RBPMS: variants seen among roughly 807,000 people sequenced by gnomAD.
The protein encoded by RBPMS is RNA binding protein, mRNA processing factor.
Under a neutral mutation model 26.8 loss-of-function variants are expected in RBPMS, and 7 were observed. That is an observed-to-expected ratio of 0.26 (90% confidence interval 0.15 to 0.49). The LOEUF (loss-of-function observed/expected upper bound fraction) is 0.49, where lower values mean the gene tolerates loss of function less well. RBPMS is among the 20% of genes least tolerant of loss of function. The pLI is 0.98. For synonymous variants in RBPMS, 96 were observed against 93.3 expected, an observed-to-expected ratio of 1.03 and a Z score of -0.17; for missense variants, 186 against 250.0, an observed-to-expected ratio of 0.74 and a Z score of 1.73.
intron 6 of RBPMS, chr8:30,553,597 G>A (rs1826578100): frequency 6.6e-6 from 1 of 152,188 alleles, no homozygotes; most frequent in African/African-American, 2.4e-5. Flanking sequence ...CTGTGTGAGT[G>A]GTTCCCTGCA....
chr8:30,555,945 C>T lies in RBPMS; in HGVS notation c.529-2942C>T, dbSNP rs950378898. The T allele has an allele frequency of 8.1e-6, 8 of 985,336 alleles. No homozygotes were observed. In the Admixed American group the frequency reaches 4.9e-4, roughly 61 times the overall value. 61.0% of individuals were successfully genotyped at this position (985,336 alleles called of 1,614,324 possible). ...CCGGCTGCCCGAACTCTGCTGTGCA[C>T]CATGAGCCCTGCCGCTCTGCCGGCT... On this transcript the variant is annotated intron_variant, in intron 6 of 8. Transcript: ENST00000397323.
chr8:30,570,284 C>A (rs1828183462), intron 8 of RBPMS, among the ~76,000 whole-genome samples: 1 of 152,204 alleles, frequency 6.6e-6, no homozygotes, highest in Admixed American at 6.5e-5. Context: ...GTATGCTGAG[C>A]TGATTGATTG....
chr8:30,564,068 A>G (rs1243686719), intron 7 of RBPMS: 1 of 152,158 alleles, frequency 6.6e-6, no homozygotes, highest in African/African-American at 2.4e-5. Flanking sequence ...AATAAATAAT[A>G]AGGCCAGGTA....
At position 30,470,279 on chromosome 8, in the gene RBPMS, G is replaced by A. The variant is rs1043396601; in HGVS notation, c.67-4500G>A. Among the ~76,000 whole-genome samples, 4 of 151,946 alleles carry A rather than the reference G, an allele frequency of 2.6e-5. No homozygotes were observed. In the South Asian group the frequency reaches 8.3e-4, roughly 32 times the overall value. ...GGCACCTGTAATCCCAGCTACTCGG[G>A]AGGCTAAGGCAGGAGAATGGCTTGA... On this transcript the variant is annotated intron_variant, in intron 1 of 8. Coordinates refer to ENST00000397323, the MANE Select transcript of RBPMS (RefSeq NM_001008710.3).
intron 1 of RBPMS, chr8:30,444,898 C>T (rs1379370476): frequency 6.6e-6 from 1 of 152,240 alleles, no homozygotes. Context: ...CCGAAAGCCA[C>T]CCTGTGCATC....
intron 8 of RBPMS, among the ~76,000 whole-genome samples, chr8:30,567,307 C>T (rs1054452349): frequency 1.3e-5 from 2 of 152,202 alleles, no homozygotes; most frequent in South Asian, 4.1e-4. Flanking sequence ...GAGCAGGCAT[C>T]AGGTGTGTGC....
chr8:30,486,584 G>A (rs557958403), intron 4 of RBPMS, among the ~76,000 whole-genome samples: 4 of 151,916 alleles, frequency 2.6e-5, no homozygotes, highest in Non-Finnish European at 4.4e-5. Context: ...AGTGAGCTGC[G>A]ATCACGCCAT....
At position 30,384,742 on chromosome 8, in the gene RBPMS, T is replaced by C; in HGVS notation, c.-351T>C. ...TGGGACGCGCGTCCTCGCCCCATCC[T>C]TTGCTTCCTTCCTTCCTTCCTTCTT... On this transcript the variant is annotated 5_prime_UTR_variant, in exon 1 of 9. Transcript: ENST00000397323. This position sits in a 1 kb window ranked among gnomAD's most constrained non-coding sequence, Gnocchi z 5.6. The C allele has an allele frequency of 5.2e-6, 1 of 190,808 alleles. No individual in the cohort carries two copies. Among genetic ancestry groups the C allele is most frequent in the Non-Finnish European group, 1.1e-5 (1 of 94,380 alleles). 11.8% of individuals were successfully genotyped at this position (190,808 alleles called of 1,614,324 possible). A position where few individuals can be genotyped will look rare whatever the true frequency, so the allele number is the denominator to read the frequency against.
At chr8:30,564,672 G>A (rs952422831) in intron 7 of RBPMS, 10 of 152,352 alleles carry the variant, frequency 6.6e-5, no homozygotes, top group African/African-American at 2.2e-4. Context: ...GGAGACTCCT[G>A]AGCATGTGCA....
chr8:30,470,043 A>G (rs1210515034), intron 1 of RBPMS, among the ~76,000 whole-genome samples: 2 of 152,162 alleles, frequency 1.3e-5, no homozygotes, highest in East Asian at 3.9e-4. Flanking sequence ...TCAGATGAAA[A>G]GTATGATGGT....
At chr8:30,539,263 A>T (rs1825129152) in intron 5 of RBPMS, among the ~76,000 whole-genome samples, 1 of 152,178 alleles carries the variant, frequency 6.6e-6, no homozygotes, top group Non-Finnish European at 1.5e-5. Flanking sequence ...TGAGTTTCTT[A>T]TAGCAAGTTG....
intron 4 of RBPMS, among the ~76,000 whole-genome samples, chr8:30,497,748 G>A (rs936620677): frequency 4.6e-5 from 7 of 151,812 alleles, no homozygotes; most frequent in South Asian, 2.1e-4. Context: ...TCAGCCTCCC[G>A]AGTAGCTGGG....
Position 30,486,061 on chromosome 8 carries a change from G to A in RBPMS, c.246+6684G>A, listed in dbSNP as rs79464081. Reference sequence around the variant, plus strand: ...TAGAAAATAAAACACTAATAAAAGCGCCTTGCCAGGAGCAGTGGCTCACGA... The same window carrying A: ...TAGAAAATAAAACACTAATAAAAGCACCTTGCCAGGAGCAGTGGCTCACGA... On this transcript the variant is annotated intron_variant, in intron 4 of 8. Transcript: ENST00000397323. Among the ~76,000 whole-genome samples the A allele has an allele frequency of 7.0e-4, 107 of 152,274 alleles. No individual in the cohort carries two copies. In the East Asian group the frequency reaches 0.018, roughly 26 times the overall value.
intron 1 of RBPMS, among the ~76,000 whole-genome samples, chr8:30,472,688 C>G (rs1208367699): frequency 6.6e-6 from 1 of 152,158 alleles, no homozygotes; most frequent in Non-Finnish European, 1.5e-5. Flanking sequence ...ATGCAAATGG[C>G]ATGACATTTT....
intron 7 of RBPMS, chr8:30,565,914 T>G (rs1827855205): frequency 2.0e-5 from 3 of 152,292 alleles, no homozygotes; most frequent in Admixed American, 1.3e-4. Flanking sequence ...GGGACGTGGG[T>G]GTAGAGTCCT....
chr8:30,504,235 T>C, intron 4 of RBPMS, 51 bp from the exon 5 acceptor site: 1 of 1,606,984 alleles, frequency 6.2e-7, no homozygotes, highest in Non-Finnish European at 8.5e-7. Flanking sequence ...ACCATTCCGG[T>C]TTGACTCAAA....
At chr8:30,385,417 C>T in intron 1 of RBPMS, 1 of 342,662 alleles carries the variant, frequency 2.9e-6, no homozygotes, top group Non-Finnish European at 5.2e-6. Flanking sequence ...GCTTTGTTTG[C>T]CCGGGATTTA....
chr8:30,519,456 CTCTTTTTTTTTTTTTTTTTT>C (rs1822778007), intron 5 of RBPMS, among the ~76,000 whole-genome samples: 3 of 116,524 alleles, frequency 2.6e-5, no homozygotes, highest in African/African-American at 1.1e-4. Flanking sequence ...GAGGATCTCT[CTCTTTTTTTTTTTTTTTTTT>C]TTTTTTTTTT....
At chr8:30,451,232 C>T (rs972960915) in intron 1 of RBPMS, among the ~76,000 whole-genome samples, 3 of 152,164 alleles carry the variant, frequency 2.0e-5, no homozygotes, top group Non-Finnish European at 4.4e-5. Flanking sequence ...TTTCAATGCC[C>T]TGAGACTTTT....
Sources: gnomAD v4.1 joint callset for allele counts (sites outside exome capture counted in the v4.1 genomes callset) on GRCh38, gnomAD v4.1.1 for gene constraint, Gnocchi (gnomAD v3.1) non-coding constraint, MANE v1.5 for transcripts, NCBI Gene and HGNC (gene_info 2026-07-23, HGNC 2026-07-21) for gene names.